The following MOBP variants were observed in gnomAD, a reference collection of about 807,000 sequenced individuals.
MOBP encodes the protein myelin associated oligodendrocyte basic protein.
MOBP carries 5 observed loss-of-function variants against 15.0 expected under a neutral mutation model. The observed-to-expected ratio is 0.33, with a 90% CI of 0.17 to 0.70. The LOEUF is 0.70. Among genes scored for constraint, MOBP ranks in the 30% least tolerant of loss-of-function variants. The pLI, the probability that MOBP is intolerant of heterozygous loss-of-function variation, is 0.67. For missense variants in MOBP, 188 were observed against 257.8 expected, an observed-to-expected ratio of 0.73 and a Z score of 1.85; for synonymous variants, 88 against 99.0, an observed-to-expected ratio of 0.89 and a Z score of 0.66.
At chr3:39,511,955 A>G (rs140589255) in intron 4 of MOBP, among the ~76,000 whole-genome samples, 2 of 152,284 alleles carry the variant, frequency 1.3e-5, no homozygotes, top group African/African-American at 4.8e-5. Flanking sequence ...TACTTATTCT[A>G]AGTCACATTT....
chr3:39,520,537 AGT>A (rs5848515), downstream of MOBP, among the ~76,000 whole-genome samples: 7 of 144,638 alleles, frequency 4.8e-5, no homozygotes, highest in African/African-American at 1.4e-4. Context: ...TGTGTTCATG[AGT>A]GTGTGTGTGT....
intron 4 of MOBP, among the ~76,000 whole-genome samples, chr3:39,512,301 G>C (rs190785615): frequency 6.6e-6 from 1 of 152,142 alleles, no homozygotes; most frequent in African/African-American, 2.4e-5. Flanking sequence ...GTGGGCCTCC[G>C]TGCTAGTCTC....
intron 2 of MOBP, among the ~76,000 whole-genome samples, chr3:39,491,465 C>G (rs1250230285): frequency 6.6e-6 from 1 of 152,132 alleles, no homozygotes; most frequent in Non-Finnish European, 1.5e-5. Flanking sequence ...ATCAGTAGTA[C>G]TATTATTAGC....
chr3:39,469,870 A>C (rs2042443297), intron 1 of MOBP, among the ~76,000 whole-genome samples: 1 of 152,218 alleles, frequency 6.6e-6, no homozygotes, highest in Admixed American at 6.5e-5. Context: ...TTTACAGATA[A>C]TTTCCAAGGA....
chr3:39,516,147 C>T (rs1199457464), downstream of MOBP: 3 of 152,166 alleles, frequency 2.0e-5, no homozygotes, highest in African/African-American at 7.2e-5. Flanking sequence ...AAATGGGAGG[C>T]GAGGAACAGA....
At position 39,480,618 on chromosome 3, in the gene MOBP, GTGCC is replaced by G. The variant is rs1350937020; in HGVS notation, c.-5+497_-5+500del. Among the ~76,000 whole-genome samples the G allele has an allele frequency of 2.0e-5, 3 of 152,316 alleles. No individual in the cohort carries two copies. The East Asian group carries it at 5.8e-4, about 29-fold the overall frequency. ...TTCCCCACTGCCACCTTAGGCCACT[GTGCC>G]TTCACCCTCTAGTTAAACCTCTGCA... is the stretch of plus-strand genomic sequence containing the variant. On this transcript the variant is annotated intron_variant, in intron 2 of 3. Transcript: ENST00000684792.
Position 39,469,046 on chromosome 3 carries a change from A to G in MOBP, c.-89+1306A>G, listed in dbSNP as rs191690330. On this transcript the variant is annotated intron_variant, in intron 1 of 3. Transcript: ENST00000684792. ...TGTGTATATATATACATATATACAT[A>G]TGTGTGTGTATATACATATATACAT... Among the ~76,000 whole-genome samples, 251 of 73,294 alleles carry G rather than the reference A, an allele frequency of 3.4e-3. 30 individuals carry two copies. Among genetic ancestry groups the G allele is most frequent in the African/African-American group, 0.012 (116 of 9,288 alleles). The allele number at this position is 73,294 out of a possible 152,430, so 48.1% of individuals were successfully genotyped here. A position where few individuals can be genotyped will look rare whatever the true frequency, so the allele number is the denominator to read the frequency against.
downstream of MOBP, among the ~76,000 whole-genome samples, chr3:39,506,568 T>A (rs2043050769): frequency 6.6e-6 from 1 of 152,176 alleles, no homozygotes; most frequent in Non-Finnish European, 1.5e-5. Flanking sequence ...GCGTCAGTTA[T>A]CTTACCAGAG....
intron 1 of MOBP, among the ~76,000 whole-genome samples, chr3:39,472,523 G>A (rs185135608): frequency 3.3e-4 from 50 of 152,316 alleles, no homozygotes; most frequent in African/African-American, 1.0e-3. Flanking sequence ...AAGTCACTCT[G>A]TAGTTTGATA....
At chr3:39,504,410 CA>C (rs1467645966), downstream of MOBP, among the ~76,000 whole-genome samples, 1 of 152,236 alleles carries the variant, frequency 6.6e-6, no homozygotes. Flanking sequence ...AAGCAAACTT[CA>C]CCATACCCAC....
chr3:39,499,208 C>T (rs1241093162), intron 2 of MOBP, among the ~76,000 whole-genome samples: 2 of 152,184 alleles, frequency 1.3e-5, no homozygotes, highest in South Asian at 2.1e-4. Context: ...CATTATTTCC[C>T]ATGGGAGGAG....
At chr3:39,475,435 A>G (rs1162681801) in intron 1 of MOBP, among the ~76,000 whole-genome samples, 1 of 152,150 alleles carries the variant, frequency 6.6e-6, no homozygotes, top group African/African-American at 2.4e-5. Flanking sequence ...TTCTCCTTAC[A>G]CTTTCACCTA....
chr3:39,520,401 A>G (rs1333498382), downstream of MOBP, among the ~76,000 whole-genome samples: 4 of 152,322 alleles, frequency 2.6e-5, no homozygotes, highest in African/African-American at 7.2e-5. Context: ...ACTTGAACAC[A>G]GCTTCTCTTG....
intron 4 of MOBP, among the ~76,000 whole-genome samples, chr3:39,508,832 C>T (rs1049463185): frequency 6.6e-6 from 1 of 152,116 alleles, no homozygotes; most frequent in Admixed American, 6.5e-5. Flanking sequence ...CAGGCATAAG[C>T]CACCGCGCCT....
intron 1 of MOBP, among the ~76,000 whole-genome samples, chr3:39,473,570 A>C (rs1018880143): frequency 2.6e-5 from 4 of 152,304 alleles, no homozygotes; most frequent in African/African-American, 9.6e-5. Context: ...GAAGAATATT[A>C]GTTCAACTTG....
At chr3:39,472,464 C>G (rs1454211691) in intron 1 of MOBP, among the ~76,000 whole-genome samples, 1 of 152,184 alleles carries the variant, frequency 6.6e-6, no homozygotes, top group East Asian at 1.9e-4. Context: ...AACTCAACTA[C>G]TGGGAAAATG....
At chr3:39,498,075 T>C (rs563767) in intron 2 of MOBP, among the ~76,000 whole-genome samples, 50,299 of 152,086 alleles carry the variant, frequency 0.33, 10,946 homozygotes, top group African/African-American at 0.62. Flanking sequence ...AACCGTTAGG[T>C]GGAACTTAAA....
chr3:39,484,191 A>G (rs1047962819), intron 2 of MOBP, among the ~76,000 whole-genome samples: 1 of 152,308 alleles, frequency 6.6e-6, no homozygotes, highest in Non-Finnish European at 1.5e-5. Context: ...GTTGTTAAGG[A>G]TGAATAGGTA....
At chr3:39,501,726 T>G (rs2042972442) in intron 2 of MOBP, among the ~76,000 whole-genome samples, 1 of 152,204 alleles carries the variant, frequency 6.6e-6, no homozygotes, top group Non-Finnish European at 1.5e-5. Flanking sequence ...AAAAGGCTTT[T>G]CCTAACTCTA....
Sources: gnomAD v4.1 joint callset for allele counts (sites outside exome capture counted in the v4.1 genomes callset) on GRCh38, gnomAD v4.1.1 for gene constraint, MANE v1.5 for transcripts, NCBI Gene and HGNC (gene_info 2026-07-23, HGNC 2026-07-21) for gene names.